The following DCLK2 variants were observed in gnomAD, a reference collection of about 807,000 sequenced individuals.
DCLK2 encodes doublecortin like kinase 2, also known as serine/threonine-protein kinase DCLK2.
In DCLK2, 31 loss-of-function variants were observed where a neutral mutation model predicts 78.4. The observed-to-expected ratio is 0.40, with a 90% CI of 0.30 to 0.53. The LOEUF (loss-of-function observed/expected upper bound fraction) is 0.53. Ranked by LOEUF, DCLK2 falls within the 20% of genes least tolerant of loss-of-function variation. DCLK2 has a pLI of 0.61. For missense variants in DCLK2, 872 were observed against 973.7 expected (o/e 0.90, Z 1.39); for synonymous variants, 407 against 374.9 (o/e 1.09, Z -0.99).
chr4:150,218,642 G>T (rs1740932313), intron 5 of DCLK2, among the ~76,000 whole-genome samples: 1 of 152,198 alleles, frequency 6.6e-6, no homozygotes, highest in African/African-American at 2.4e-5. Context: ...AAAGTCCTGA[G>T]GCCTAAGTGC....
At chr4:150,118,163 G>A (rs1452984124) in intron 2 of DCLK2, among the ~76,000 whole-genome samples, 1 of 152,092 alleles carries the variant, frequency 6.6e-6, no homozygotes, top group Non-Finnish European at 1.5e-5. Context: ...CAATGGTAAT[G>A]ATGAGGGACA....
intron 14 of DCLK2, among the ~76,000 whole-genome samples, chr4:150,248,955 A>G (rs1426360367): frequency 6.6e-6 from 1 of 152,022 alleles, no homozygotes; most frequent in African/African-American, 2.4e-5. Context: ...CATTTCCGTC[A>G]TTTCTGGGAG....
intron 2 of DCLK2, among the ~76,000 whole-genome samples, chr4:150,134,151 G>A (rs1350483652): frequency 7.0e-6 from 1 of 142,618 alleles, no homozygotes; most frequent in Non-Finnish European, 1.5e-5. Flanking sequence ...CGCAATCTCG[G>A]GTCACTGCAA....
chr4:150,144,782 G>A lies in DCLK2; in HGVS notation c.756+41970G>A, dbSNP rs116845808. On this transcript the variant is annotated intron_variant, in intron 2 of 15. Coordinates refer to ENST00000296550, the MANE Select transcript of DCLK2 (RefSeq NM_001040260.4). ...AAAAGATTATTTGTAGAGATGAGACGTCACCATGTTGCCCAGGCTGGTCTC... is the reference window on the plus strand; with the variant it reads ...AAAAGATTATTTGTAGAGATGAGACATCACCATGTTGCCCAGGCTGGTCTC... 1.8e-3 allele frequency among the ~76,000 whole-genome samples: 270 copies of A among 152,144 alleles called. 3 individuals carry two copies. The highest frequency in any genetic ancestry group is 0.014 in the East Asian group (74 of 5,156).
At chr4:150,235,775 G>A (rs993092382) in intron 10 of DCLK2, among the ~76,000 whole-genome samples, 9 of 152,172 alleles carry the variant, frequency 5.9e-5, no homozygotes, top group African/African-American at 1.9e-4. Context: ...GTGACTGTCG[G>A]CCTCTTCTTG....
At chr4:150,249,106 T>C (rs1743549970) in intron 14 of DCLK2, among the ~76,000 whole-genome samples, 1 of 152,192 alleles carries the variant, frequency 6.6e-6, no homozygotes, top group Non-Finnish European at 1.5e-5. Flanking sequence ...TCTCTTGGGC[T>C]AAATGACGTG....
chr4:150,086,414 T>G lies in DCLK2; in HGVS notation c.421+6966T>G, dbSNP rs758071930. ...AGAAAAATGATGCAGTATATTTATGTCCCAAGAAGTTATCAATTTCACTAG... is the reference window on the plus strand; with the variant it reads ...AGAAAAATGATGCAGTATATTTATGGCCCAAGAAGTTATCAATTTCACTAG... On this transcript the variant is annotated intron_variant, in intron 1 of 15. Transcript: ENST00000296550. 3.0e-4 allele frequency among the ~76,000 whole-genome samples: 45 copies of G among 152,186 alleles called. 1 individual carries two copies. Among genetic ancestry groups the G allele is most frequent in the Non-Finnish European group, 5.6e-4 (38 of 68,026 alleles).
rs775623334 is a variant in DCLK2, at chr4:150,249,694, A to G, written c.2073+10A>G. 3 of 1,609,312 alleles carry G rather than the reference A, an allele frequency of 1.9e-6. No individual in the cohort carries two copies. The Admixed American group carries it at 5.0e-5, about 27-fold the overall frequency. Reference sequence around the variant, plus strand: ...GGTCTCCGTCATCATGGTGAGTGGAAGGCGGCAGGTCTGGCCTGACTGCGG... The same window carrying G: ...GGTCTCCGTCATCATGGTGAGTGGAGGGCGGCAGGTCTGGCCTGACTGCGG... On this transcript the variant is annotated intron_variant, in intron 15 of 15. Transcript: ENST00000296550.
chr4:150,133,329 T>C (rs1486674629), intron 2 of DCLK2, among the ~76,000 whole-genome samples: 1 of 152,210 alleles, frequency 6.6e-6, no homozygotes, highest in Non-Finnish European at 1.5e-5. Flanking sequence ...TCTCTGTGCA[T>C]GTATGAGAAT....
rs369211360 is a variant in DCLK2, at chr4:150,232,293, G to T, written c.1300-44G>T. The stretch of plus-strand genomic sequence containing the variant: ...TCCTCCAGGCCTTCGAGAGCAGAGG[G>T]TTCTGTGATTTCTGATCTCCTCTCT... On this transcript the variant is annotated intron_variant, in intron 8 of 15. Transcript: ENST00000296550. The T allele has an allele frequency of 4.9e-4, 787 of 1,600,556 alleles. 1 individual carries two copies. Among genetic ancestry groups the T allele is most frequent in the Non-Finnish European group, 6.3e-4 (743 of 1,173,434 alleles).
intron 15 of DCLK2, among the ~76,000 whole-genome samples, chr4:150,250,569 A>T (rs1003722352): frequency 1.3e-5 from 2 of 151,842 alleles, no homozygotes; most frequent in African/African-American, 4.8e-5. Flanking sequence ...AGTTGGCTGC[A>T]GCAGCTTTCG....
intron 2 of DCLK2, among the ~76,000 whole-genome samples, chr4:150,113,695 AC>A (rs1731862689): frequency 8.7e-6 from 1 of 115,156 alleles, no homozygotes; most frequent in Admixed American, 8.3e-5. Flanking sequence ...CAAAGAACCA[AC>A]CTTTTTTTTT....
chr4:150,241,865 C>T (rs182393258), intron 12 of DCLK2, among the ~76,000 whole-genome samples: 1 of 152,290 alleles, frequency 6.6e-6, no homozygotes, highest in African/African-American at 2.4e-5. Flanking sequence ...GAGCTCCACC[C>T]TTAACAATAG....
intron 2 of DCLK2, among the ~76,000 whole-genome samples, chr4:150,103,152 CTG>C (rs1560774231): frequency 1.3e-5 from 2 of 152,132 alleles, no homozygotes; most frequent in African/African-American, 2.4e-5. Context: ...TTATGAATAA[CTG>C]TTGATTTGTA....
Position 150,256,364 on chromosome 4 carries a change from C to A in DCLK2, c.*117C>A. The A allele has an allele frequency of 7.3e-7, 1 of 1,370,736 alleles. No individual in the cohort carries two copies. The highest frequency in any genetic ancestry group is 1.5e-5 in the African/African-American group (1 of 67,838). 84.9% of individuals were successfully genotyped at this position (1,370,736 alleles called of 1,614,324 possible). The stretch of plus-strand genomic sequence containing the variant: ...TCTTCACCGCCTGCGCCTGAGTTCG[C>A]GGGTCCTCCGCAGGCCGCCTGGGAA... On this transcript the variant is annotated 3_prime_UTR_variant, in exon 16 of 16. Coordinates refer to ENST00000296550, the MANE Select transcript of DCLK2 (RefSeq NM_001040260.4).
chr4:150,132,950 T>A (rs1247505946), intron 2 of DCLK2, among the ~76,000 whole-genome samples: 1 of 152,170 alleles, frequency 6.6e-6, no homozygotes, highest in East Asian at 1.9e-4. Flanking sequence ...AACCAGTCAA[T>A]ATACAAGCTT....
chr4:150,187,102 A>G (rs546011232), intron 2 of DCLK2, among the ~76,000 whole-genome samples: 1 of 152,350 alleles, frequency 6.6e-6, no homozygotes, highest in Non-Finnish European at 1.5e-5. Flanking sequence ...TGCAGCTCAC[A>G]TATATAGATA....
At chr4:150,246,237 G>A (rs975730469) in intron 12 of DCLK2, among the ~76,000 whole-genome samples, 3 of 152,096 alleles carry the variant, frequency 2.0e-5, no homozygotes, top group Non-Finnish European at 4.4e-5. Flanking sequence ...AGTAGAGACA[G>A]GGTTTCACCA....
intron 2 of DCLK2, among the ~76,000 whole-genome samples, chr4:150,135,193 C>A (rs1460569875): frequency 6.6e-6 from 1 of 151,742 alleles, no homozygotes; most frequent in Non-Finnish European, 1.5e-5. Flanking sequence ...CACACACACA[C>A]TGTCTCTCTC....
Sources: gnomAD v4.1 joint callset for allele counts (sites outside exome capture counted in the v4.1 genomes callset) on GRCh38, gnomAD v4.1.1 for gene constraint, MANE v1.5 for transcripts, NCBI Gene and HGNC (gene_info 2026-07-23, HGNC 2026-07-21) for gene names.